The following IRAK3 variants were observed in gnomAD, a reference collection of about 807,000 sequenced individuals.
IRAK3 encodes the protein interleukin-1 receptor-associated kinase 3.
In IRAK3, 57 loss-of-function variants were observed where a neutral mutation model predicts 56.6. The observed-to-expected ratio is 1.01, with a 90% CI of 0.81 to 1.26. The LOEUF (loss-of-function observed/expected upper bound fraction) is 1.26, where lower values mean the gene tolerates loss of function less well. Ranked by LOEUF, IRAK3 falls within the 50% of genes most tolerant of loss-of-function variation. The pLI is 0.00. For synonymous variants in IRAK3, 258 were observed against 255.7 expected (o/e 1.01, Z -0.09); for missense variants, 703 against 719.0 (o/e 0.98, Z 0.25).
intron 8 of IRAK3, chr12:66,235,077 T>C (rs924504181): frequency 1.6e-5 from 26 of 1,613,200 alleles, no homozygotes; most frequent in African/African-American, 4.0e-5. Flanking sequence ...TGGTCGGTGG[T>C]GTGGGGAGGC....
intron 6 of IRAK3, among the ~76,000 whole-genome samples, chr12:66,223,003 G>A (rs1185657059): frequency 2.0e-5 from 3 of 151,730 alleles, no homozygotes; most frequent in Non-Finnish European, 4.4e-5. Flanking sequence ...GAAAATTACA[G>A]TCAAAGGGGG....
rs898461145 is a variant in IRAK3, at chr12:66,189,304, C to G, written c.5C>G (p.Ala2Gly). M[A>G]GNCGARGALS... ...CGGGGCTCGGGCAGCCGAGCCATGG[C>G]GGGGAACTGTGGGGCCCGCGGCGCG... The change falls in exon 1 of 12, where the codon GCG (alanine) becomes GGG (glycine). Residue 2 changes from alanine to glycine, a missense_variant. Coordinates refer to ENST00000261233, the MANE Select transcript of IRAK3 (RefSeq NM_007199.3). The G allele has an allele frequency of 7.2e-6, 11 of 1,536,134 alleles. No homozygotes were observed. In the Admixed American group the frequency reaches 1.4e-4, roughly 19 times the overall value.
intron 7 of IRAK3, among the ~76,000 whole-genome samples, chr12:66,227,737 G>A (rs938543912): frequency 1.2e-4 from 18 of 148,770 alleles, no homozygotes; most frequent in Non-Finnish European, 8.9e-5. Context: ...TCCAGCTTGG[G>A]TGACACGGAG....
At position 66,226,723 on chromosome 12, in the gene IRAK3, G is replaced by A. The variant is rs1392363046; in HGVS notation, c.654G>A (p.Leu218=). Residue 218 remains leucine, a splice_region_variant and synonymous_variant, in exon 7 of 12, where the codon CTG becomes CTA. Coordinates refer to ENST00000261233, the MANE Select transcript of IRAK3 (RefSeq NM_007199.3). The stretch of plus-strand genomic sequence containing the variant: ...GCTTTAAAACATCTTTTGTTTCAAG[G>A]TTTCATCACCCAAACATACTAGAGT... ...RFLSELEVLL[L]FHHPNILELA... is the part of the protein sequence containing the mutation. 2 of 1,566,202 alleles carry A rather than the reference G, an allele frequency of 1.3e-6. No individual in the cohort carries two copies. Among genetic ancestry groups the A allele is most frequent in the South Asian group, 1.1e-5 (1 of 90,152 alleles).
chr12:66,234,299 T>C, intron 8 of IRAK3: 8 of 1,612,832 alleles, frequency 5.0e-6, no homozygotes, highest in Non-Finnish European at 6.8e-6. Flanking sequence ...TGATGCGGGC[T>C]GTAGTGACAT....
intron 8 of IRAK3, chr12:66,234,013 A>G: frequency 1.9e-6 from 3 of 1,561,508 alleles, no homozygotes; most frequent in Non-Finnish European, 2.6e-6. Flanking sequence ...AGAAAAATCC[A>G]TGATTGTTCA....
intron 1 of IRAK3, 45 bp from the exon 2 acceptor site, chr12:66,203,666 A>C: frequency 1.9e-6 from 3 of 1,541,806 alleles, no homozygotes; most frequent in Non-Finnish European, 2.7e-6. Context: ...GTATTTTGAT[A>C]AAAGTACAGT....
intron 8 of IRAK3, among the ~76,000 whole-genome samples, chr12:66,241,288 T>C (rs530562488): frequency 6.6e-6 from 1 of 152,304 alleles, no homozygotes; most frequent in Admixed American, 6.5e-5. Flanking sequence ...AAATCGATTG[T>C]AGAAGCATGA....
intron 2 of IRAK3, among the ~76,000 whole-genome samples, chr12:66,207,942 G>A (rs1409680288): frequency 6.6e-6 from 1 of 152,070 alleles, no homozygotes; most frequent in African/African-American, 2.4e-5. Context: ...ATTGCCTAAG[G>A]TCAGGTCTGT....
Position 66,253,609 on chromosome 12 carries a change from A to G in IRAK3, c.*5438A>G, listed in dbSNP as rs1197402266. The G allele has an allele frequency of 2.0e-5, 3 of 152,236 alleles. No homozygotes were observed. Among genetic ancestry groups the G allele is most frequent in the Non-Finnish European group, 2.9e-5 (2 of 68,048 alleles). 9.4% of individuals were successfully genotyped at this position (152,236 alleles called of 1,614,324 possible). ...TTTCTGGTCGTCTCTATAAATAGCA[A>G]GATAATATTTACAGAGTTTTACATT... On this transcript the variant is annotated 3_prime_UTR_variant, in exon 12 of 12. Transcript: ENST00000261233.
At chr12:66,242,329 C>G (rs1433004654) in intron 8 of IRAK3, among the ~76,000 whole-genome samples, 1 of 152,198 alleles carries the variant, frequency 6.6e-6, no homozygotes, top group East Asian at 1.9e-4. Context: ...CCAGGAGCCT[C>G]AGACTTGATC....
chr12:66,241,565 G>C (rs925620627), intron 8 of IRAK3, among the ~76,000 whole-genome samples: 4 of 152,292 alleles, frequency 2.6e-5, no homozygotes, highest in South Asian at 2.1e-4. Flanking sequence ...TCGTTGAAGG[G>C]CCTTTTGCAA....
chr12:66,224,058 T>A (rs2052762378), intron 6 of IRAK3, among the ~76,000 whole-genome samples: 1 of 152,218 alleles, frequency 6.6e-6, no homozygotes. Context: ...TATAGATTAA[T>A]CTGGAGATAT....
At chr12:66,230,126 T>A (rs919312966) in intron 8 of IRAK3, among the ~76,000 whole-genome samples, 8 of 152,118 alleles carry the variant, frequency 5.3e-5, no homozygotes, top group Non-Finnish European at 1.0e-4. Flanking sequence ...TCTGCCCATG[T>A]CCCGTTCTTT....
intron 8 of IRAK3, among the ~76,000 whole-genome samples, chr12:66,239,315 A>G (rs970566774): frequency 6.1e-5 from 6 of 98,558 alleles, no homozygotes; most frequent in African/African-American, 1.3e-4. Flanking sequence ...TTTTTTTTTA[A>G]TGGAAATTGA....
chr12:66,243,561 T>C (rs924041709), intron 8 of IRAK3, among the ~76,000 whole-genome samples: 2 of 152,006 alleles, frequency 1.3e-5, no homozygotes, highest in Non-Finnish European at 2.9e-5. Flanking sequence ...TCTGTTCTCT[T>C]AGAATTGATT....
At position 66,248,083 on chromosome 12, in the gene IRAK3, CA is replaced by C; in HGVS notation, c.1704del (p.His570IlefsTer41). ...AATATAGATCCTTCTTCAGAAGCTC[CA>C]GGGCATTCTTGCAGGAGCAGGCCAG... is the stretch of plus-strand genomic sequence containing the variant. ...KVNIDPSSEA[P>X]GHSCRSRPVE... is the part of the protein sequence containing the mutation. On this transcript the variant is annotated frameshift_variant, in exon 12 of 12. Transcript: ENST00000261233. LOFTEE classifies it low-confidence loss of function (END_TRUNC). 2 of 1,599,524 alleles carry C rather than the reference CA, an allele frequency of 1.3e-6. No individual in the cohort carries two copies. The highest frequency in any genetic ancestry group is 8.5e-7 in the Non-Finnish European group (1 of 1,174,538).
chr12:66,239,018 A>G (rs987956576), intron 8 of IRAK3, among the ~76,000 whole-genome samples: 3 of 152,196 alleles, frequency 2.0e-5, no homozygotes. Flanking sequence ...CTTCCTTGTT[A>G]TTTCCCTCCT....
At chr12:66,222,814 G>A (rs1312425535) in intron 6 of IRAK3, among the ~76,000 whole-genome samples, 1 of 152,080 alleles carries the variant, frequency 6.6e-6, no homozygotes, top group Non-Finnish European at 1.5e-5. Flanking sequence ...GTTTTGACAT[G>A]TAGAAATGGT....
Sources: gnomAD v4.1 joint callset for allele counts (sites outside exome capture counted in the v4.1 genomes callset) on GRCh38, gnomAD v4.1.1 for gene constraint, MANE v1.5 for transcripts, NCBI Gene and HGNC (gene_info 2026-07-23, HGNC 2026-07-21) for gene names.